EBF3: variants seen among roughly 807,000 people sequenced by gnomAD.
EBF3 encodes the protein EBF transcription factor 3, also known as transcription factor COE3.
In EBF3, 18 loss-of-function variants were observed where a neutral mutation model predicts 77.1. The ratio of observed to expected loss-of-function variants is 0.23; its 90% CI spans 0.16 to 0.35. The LOEUF (loss-of-function observed/expected upper bound fraction) is 0.35, where lower values mean the gene tolerates loss of function less well. Ranked by LOEUF, EBF3 falls within the 10% of genes least tolerant of loss-of-function variation. EBF3 has a pLI of 1.00. For synonymous variants in EBF3, 350 were observed against 343.5 expected, an observed-to-expected ratio of 1.02 and a Z score of -0.21; for missense variants, 558 against 860.0, an observed-to-expected ratio of 0.65 and a Z score of 4.39.
intron 6 of EBF3, among the ~76,000 whole-genome samples, chr10:129,924,980 G>A (rs576728298): frequency 3.3e-5 from 5 of 152,262 alleles, no homozygotes; most frequent in Non-Finnish European, 5.9e-5. Flanking sequence ...GTCCTTGCAC[G>A]TCCGTGTTCA....
chr10:129,866,280 C>A (rs1203856026), intron 10 of EBF3, among the ~76,000 whole-genome samples: 1 of 152,118 alleles, frequency 6.6e-6, no homozygotes, highest in Non-Finnish European at 1.5e-5. Context: ...CACCACCATG[C>A]CCCACTAATT....
At chr10:129,875,187 C>CTTTTTTTTTTTT (rs1193539598) in intron 7 of EBF3, among the ~76,000 whole-genome samples, 1 of 92,932 alleles carries the variant, frequency 1.1e-5, no homozygotes, top group African/African-American at 4.1e-5. Flanking sequence ...ATGGCTTCTT[C>CTTTTTTTTTTTT]TTTTTTTTTT....
chr10:129,843,072 C>G, intron 12 of EBF3, 65 bp downstream of exon 12: 1 of 1,534,974 alleles, frequency 6.5e-7, no homozygotes, highest in South Asian at 1.2e-5. Flanking sequence ...ACTGGAGCCA[C>G]GCCGGCTGCC....
intron 8 of EBF3, among the ~76,000 whole-genome samples, chr10:129,871,863 A>C (rs528499166): frequency 4.6e-5 from 7 of 152,320 alleles, no homozygotes; most frequent in Admixed American, 1.3e-4. Flanking sequence ...AAGATATTTC[A>C]ATCTCTTGCA....
At chr10:129,930,529 CA>C (rs1474379226) in intron 6 of EBF3, among the ~76,000 whole-genome samples, 1 of 144,436 alleles carries the variant, frequency 6.9e-6, no homozygotes, top group African/African-American at 2.6e-5. Flanking sequence ...TCTATATTAA[CA>C]AATCCCCCTC....
intron 7 of EBF3, among the ~76,000 whole-genome samples, chr10:129,875,998 T>C (rs1420523140): frequency 6.6e-6 from 1 of 152,258 alleles, no homozygotes; most frequent in African/African-American, 2.4e-5. Context: ...CTAAACATGA[T>C]AGGTTAAAGA....
Position 129,842,221 on chromosome 10 carries a change from G to C in EBF3, c.1267C>G (p.Pro423Ala), listed in dbSNP as rs778581041. The change falls in exon 13 of 17, where the codon CCC becomes GCC. Residue 423 changes from proline (P) to alanine (A), a missense_variant. This residue lies in a region of EBF3 where 284 missense variants were observed against 368.3 expected (regional missense o/e 0.77). Transcript: ENST00000440978. This position sits in a 1 kb window ranked among gnomAD's most constrained non-coding sequence, Gnocchi z 4.4. Reference protein sequence around the residue: ...YSVPRNHNQIPTLGNNPAHTG... With the variant: ...YSVPRNHNQIATLGNNPAHTG... ...TGTGCAGGGTTGTTGCCCAGGGTGGGGATCTGGTTGTGATTGCGGGGAACG... is the reference window on the plus strand; with the variant it reads ...TGTGCAGGGTTGTTGCCCAGGGTGGCGATCTGGTTGTGATTGCGGGGAACG... The C allele has an allele frequency of 6.2e-7, 1 of 1,614,158 alleles. No individual in the cohort carries two copies. Among genetic ancestry groups the C allele is most frequent in the South Asian group, 1.1e-5 (1 of 91,080 alleles).
intron 6 of EBF3, among the ~76,000 whole-genome samples, chr10:129,925,295 C>A (rs1187417158): frequency 6.6e-6 from 1 of 151,694 alleles, no homozygotes; most frequent in East Asian, 1.9e-4. Flanking sequence ...GGCTTCAAGG[C>A]GTGGCTGGGA....
chr10:129,873,419 G>A (rs763216617), intron 8 of EBF3, 33 bp downstream of exon 8: 47 of 1,478,294 alleles, frequency 3.2e-5, no homozygotes, highest in African/African-American at 8.6e-5. Context: ...AAGAAGCATC[G>A]CAAATAAAAA....
chr10:129,852,382 G>A (rs924100079), intron 10 of EBF3, among the ~76,000 whole-genome samples: 1 of 152,190 alleles, frequency 6.6e-6, no homozygotes, highest in Non-Finnish European at 1.5e-5. Flanking sequence ...TGGGATTGCT[G>A]CAGCTAATGT....
In EBF3 at chr10:129,861,604, G is replaced by T. The variant is rs1011458724; in HGVS notation, c.1039+5537C>A. Among the ~76,000 whole-genome samples, 1 of 152,120 alleles carries T rather than the reference G, an allele frequency of 6.6e-6. No individual in the cohort carries two copies. The highest frequency in any genetic ancestry group is 6.5e-5 in the Admixed American group (1 of 15,272). On this transcript the variant is annotated intron_variant, in intron 10 of 16. Coordinates refer to ENST00000440978, the MANE Select transcript of EBF3 (RefSeq NM_001375380.1). The surrounding 1 kb of genome is among the most constrained non-coding windows in gnomAD (Gnocchi z 4.3). ...AGACATCCTTGGACACCATTGACTG[G>T]TAGGTTTGAAGCAGGACAGCCAGTG...
In EBF3 at chr10:129,841,042, T is replaced by TCGCC; in HGVS notation, c.1373-11_1373-10insGGCG. 1 of 1,507,650 alleles carries TCGCC rather than the reference T, an allele frequency of 6.6e-7. No individual in the cohort carries two copies. 93.4% of individuals were successfully genotyped at this position (1,507,650 alleles called of 1,614,324 possible). A position where few individuals can be genotyped will look rare whatever the true frequency, so the allele number is the denominator to read the frequency against. On this transcript the variant is annotated splice_polypyrimidine_tract_variant and intron_variant, in intron 13 of 16. Coordinates refer to ENST00000440978, the MANE Select transcript of EBF3 (RefSeq NM_001375380.1). The surrounding 1 kb of genome is among the most constrained non-coding windows in gnomAD (Gnocchi z 4.6). ...TTGCGACTGTAGCCGACTGTTGAAA[T>TCGCC]CCCCCCCCCGGCCAAAAATAACATT...
rs1254463477 is a variant in EBF3, at chr10:129,837,773, TTAAA to T, written c.*166_*169del. 4 of 814,864 alleles carry T rather than the reference TTAAA, an allele frequency of 4.9e-6. No individual in the cohort carries two copies. The highest frequency in any genetic ancestry group is 2.6e-5 in the Admixed American group (1 of 38,478). The allele number at this position is 814,864 out of a possible 1,614,324, so 50.5% of individuals were successfully genotyped here. On this transcript the variant is annotated 3_prime_UTR_variant, in exon 17 of 17. Transcript: ENST00000440978. ...TGTTTGCATGTTGATTCTTAATAGTTTAAATAAAATCTTTAAACAAAGTCTTTTG... is the reference window on the plus strand; with the variant it reads ...TGTTTGCATGTTGATTCTTAATAGTTTAAAATCTTTAAACAAAGTCTTTTG...
chr10:129,939,932 G>C (rs546928755), intron 6 of EBF3, among the ~76,000 whole-genome samples: 1 of 152,346 alleles, frequency 6.6e-6, no homozygotes, highest in African/African-American at 2.4e-5. Flanking sequence ...TAGTGCTAGA[G>C]GGTCCCCCAT....
chr10:129,880,460 GAC>G (rs1407501748), intron 6 of EBF3, among the ~76,000 whole-genome samples: 1 of 151,620 alleles, frequency 6.6e-6, no homozygotes, highest in East Asian at 1.9e-4. Context: ...TACACATGCA[GAC>G]ACATGCACAC....
At chr10:129,874,368 G>A (rs1204962602) in intron 7 of EBF3, among the ~76,000 whole-genome samples, 3 of 152,150 alleles carry the variant, frequency 2.0e-5, no homozygotes, top group African/African-American at 4.8e-5. Context: ...CAGCTGCCTC[G>A]TGGTAGAGGG....
At position 129,879,431 on chromosome 10, in the gene EBF3, T is replaced by C. The variant is rs1437413701; in HGVS notation, c.555-1582A>G. Among the ~76,000 whole-genome samples the C allele has an allele frequency of 2.6e-5, 4 of 152,188 alleles. No individual in the cohort carries two copies. The highest frequency in any genetic ancestry group is 5.9e-5 in the Non-Finnish European group (4 of 68,036). On this transcript the variant is annotated intron_variant, in intron 6 of 16. Transcript: ENST00000440978. This position sits in a 1 kb window ranked among gnomAD's most constrained non-coding sequence, Gnocchi z 4.7. The stretch of plus-strand genomic sequence containing the variant: ...TACGTTCAAGGTTCCTCGCTGGCAA[T>C]TAGAATATCAGAAAATGAAAACACT...
intron 6 of EBF3, among the ~76,000 whole-genome samples, chr10:129,928,279 A>C (rs1391888733): frequency 1.3e-5 from 2 of 152,218 alleles, no homozygotes; most frequent in Non-Finnish European, 2.9e-5. Context: ...GTATACAAAA[A>C]ATATAAAAAT....
intron 6 of EBF3, among the ~76,000 whole-genome samples, chr10:129,903,756 A>G (rs1854948738): frequency 6.6e-6 from 1 of 152,188 alleles, no homozygotes; most frequent in Non-Finnish European, 1.5e-5. Flanking sequence ...TCTTGCTGTC[A>G]TGGGGAGTCC....
Sources: allele counts gnomAD v4.1 joint callset (sites outside exome capture counted in the v4.1 genomes callset), GRCh38; gene constraint gnomAD v4.1.1; regional missense constraint gnomAD v4.1.1; non-coding constraint Gnocchi (gnomAD v3.1); transcripts MANE v1.5; gene names NCBI Gene and HGNC (gene_info 2026-07-23, HGNC 2026-07-21).